The following ZSWIM6 variants were observed in gnomAD, a reference collection of about 807,000 sequenced individuals.
ZSWIM6 encodes zinc finger SWIM-type containing 6, also known as zinc finger SWIM domain-containing protein 6.
ZSWIM6 carries 9 observed loss-of-function variants against 113.2 expected under a neutral mutation model. The observed-to-expected ratio is 0.08, with a 90% CI of 0.05 to 0.14. The LOEUF (loss-of-function observed/expected upper bound fraction) is 0.14. Among genes scored for constraint, ZSWIM6 ranks in the 10% least tolerant of loss-of-function variants. ZSWIM6 has a pLI of 1.00. For missense variants in ZSWIM6, 1,162 were observed against 1,552.2 expected (o/e 0.75, Z 4.22); for synonymous variants, 611 against 606.5 (o/e 1.01, Z -0.11).
chr5:61,340,507 A>G (rs1328400820), intron 1 of ZSWIM6, among the ~76,000 whole-genome samples: 24 of 152,194 alleles, frequency 1.6e-4, no homozygotes, highest in Admixed American at 1.6e-3. Context: ...GAGGAAAGGT[A>G]TTTTTGTAAA....
intron 5 of ZSWIM6, among the ~76,000 whole-genome samples, chr5:61,523,645 CACT>C (rs1445229569): frequency 3.9e-5 from 6 of 152,026 alleles, no homozygotes. Context: ...ATTGAATAGC[CACT>C]GACATTCAAG....
intron 1 of ZSWIM6, among the ~76,000 whole-genome samples, chr5:61,350,754 G>A (rs1177231870): frequency 3.9e-5 from 6 of 152,144 alleles, no homozygotes; most frequent in African/African-American, 1.4e-4. Context: ...CTTACTATCC[G>A]TGTGCCTCTA....
At chr5:61,463,011 TA>T (rs1453858935) in intron 1 of ZSWIM6, among the ~76,000 whole-genome samples, 2 of 152,216 alleles carry the variant, frequency 1.3e-5, no homozygotes, top group African/African-American at 4.8e-5. Context: ...GCTGCCTATA[TA>T]TTTTTTTCAT....
intron 1 of ZSWIM6, among the ~76,000 whole-genome samples, chr5:61,439,307 C>A (rs1390680726): frequency 6.6e-6 from 1 of 152,096 alleles, no homozygotes; most frequent in Non-Finnish European, 1.5e-5. Flanking sequence ...CTGTTATGTA[C>A]CATTATGTTC....
At chr5:61,538,139 A>T (rs1452448198) in intron 10 of ZSWIM6, among the ~76,000 whole-genome samples, 1 of 152,202 alleles carries the variant, frequency 6.6e-6, no homozygotes, top group Non-Finnish European at 1.5e-5. Flanking sequence ...TATTCTTAAT[A>T]AAAAATCAGA....
chr5:61,397,831 T>C (rs1745873095), intron 1 of ZSWIM6, among the ~76,000 whole-genome samples: 1 of 152,140 alleles, frequency 6.6e-6, no homozygotes, highest in Non-Finnish European at 1.5e-5. Context: ...TTAATCCACG[T>C]TGAGAGGGAA....
intron 1 of ZSWIM6, among the ~76,000 whole-genome samples, chr5:61,395,865 G>C (rs1004150224): frequency 6.6e-6 from 1 of 152,082 alleles, no homozygotes; most frequent in Non-Finnish European, 1.5e-5. Flanking sequence ...CAGTGCAGGT[G>C]GGGGTGTAGT....
At chr5:61,442,488 ATCTT>A (rs1454442281) in intron 1 of ZSWIM6, among the ~76,000 whole-genome samples, 2 of 152,216 alleles carry the variant, frequency 1.3e-5, no homozygotes, top group African/African-American at 4.8e-5. Context: ...CTGAAGCACA[ATCTT>A]TCTCTCTCTA....
At chr5:61,535,685 C>A in intron 10 of ZSWIM6, 66 bp downstream of exon 10, 1 of 1,523,184 alleles carries the variant, frequency 6.6e-7, no homozygotes, top group South Asian at 1.2e-5. Flanking sequence ...TGGCTGTTAA[C>A]TGACTTACTC....
intron 1 of ZSWIM6, among the ~76,000 whole-genome samples, chr5:61,389,873 A>G (rs1319656073): frequency 6.6e-6 from 1 of 152,214 alleles, no homozygotes; most frequent in African/African-American, 2.4e-5. Context: ...GCCTTGATGT[A>G]CAAAAGAGTG....
chr5:61,364,831 A>T (rs1401403804), intron 1 of ZSWIM6, among the ~76,000 whole-genome samples: 1 of 152,152 alleles, frequency 6.6e-6, no homozygotes, highest in East Asian at 1.9e-4. Context: ...CGTCCCTCAG[A>T]GGTTCTACCA....
At chr5:61,424,843 TCAG>T (rs1746431935) in intron 1 of ZSWIM6, among the ~76,000 whole-genome samples, 1 of 151,260 alleles carries the variant, frequency 6.6e-6, no homozygotes, top group South Asian at 2.1e-4. Flanking sequence ...TTCTCCTGCC[TCAG>T]CCTCCTGGAT....
chr5:61,438,549 T>C (rs1211079854), intron 1 of ZSWIM6, among the ~76,000 whole-genome samples: 1 of 152,244 alleles, frequency 6.6e-6, no homozygotes, highest in African/African-American at 2.4e-5. Context: ...AAAAGTCTCA[T>C]GTTCTTCAAA....
chr5:61,348,357 C>T (rs899601980), intron 1 of ZSWIM6, among the ~76,000 whole-genome samples: 5 of 152,052 alleles, frequency 3.3e-5, no homozygotes, highest in Admixed American at 3.3e-4. Flanking sequence ...ATTCATGTAG[C>T]CGTATTTAGA....
chr5:61,332,791 TGCCGCCGCC>T lies in ZSWIM6; in HGVS notation c.543_551del (p.Ala182_Ala184del), dbSNP rs1262946696. 1,168 of 766,514 alleles carry T rather than the reference TGCCGCCGCC, an allele frequency of 1.5e-3. 3 individuals carry two copies. The highest frequency in any genetic ancestry group is 2.7e-3 in the Middle Eastern group (4 of 1,472). The allele number at this position is 766,514 out of a possible 1,614,324, so 47.5% of individuals were successfully genotyped here. A position where few individuals can be genotyped will look rare whatever the true frequency, so the allele number is the denominator to read the frequency against. On this transcript the variant is annotated inframe_deletion, in exon 1 of 14. Coordinates refer to ENST00000252744, the MANE Select transcript of ZSWIM6 (RefSeq NM_020928.2). ...CCGCAACCTCGGCCGCCGCCGCCGCTGCCGCCGCCGCCGCCGCCGCCGCCGCCGCCGCGG... is the reference window on the plus strand; with the variant it reads ...CCGCAACCTCGGCCGCCGCCGCCGCTGCCGCCGCCGCCGCCGCCGCCGCGG...
At chr5:61,497,631 CAT>C (rs1748358551) in intron 4 of ZSWIM6, among the ~76,000 whole-genome samples, 1 of 152,160 alleles carries the variant, frequency 6.6e-6, no homozygotes, top group Non-Finnish European at 1.5e-5. Flanking sequence ...TTATCTTATA[CAT>C]GAGTCAGTTT....
At chr5:61,426,816 T>TC (rs199944766) in intron 1 of ZSWIM6, among the ~76,000 whole-genome samples, 4 of 151,952 alleles carry the variant, frequency 2.6e-5, no homozygotes, top group South Asian at 2.1e-4. Context: ...TTTTTCTTTT[T>TC]TTTTTTTTTT....
intron 1 of ZSWIM6, among the ~76,000 whole-genome samples, chr5:61,400,124 G>T (rs1195322199): frequency 2.0e-5 from 3 of 152,140 alleles, no homozygotes; most frequent in Non-Finnish European, 2.9e-5. Context: ...TAGAGGTGGG[G>T]AACCGTTGGT....
At chr5:61,340,493 G>A (rs955766098) in intron 1 of ZSWIM6, among the ~76,000 whole-genome samples, 1 of 152,152 alleles carries the variant, frequency 6.6e-6, no homozygotes, top group African/African-American at 2.4e-5. Flanking sequence ...AAAATATGCT[G>A]AAAGAGGAAA....
Sources: allele counts gnomAD v4.1 joint callset (sites outside exome capture counted in the v4.1 genomes callset), GRCh38; gene constraint gnomAD v4.1.1; transcripts MANE v1.5; gene names NCBI Gene and HGNC (gene_info 2026-07-23, HGNC 2026-07-21).